The following MMP2 variants were observed in gnomAD, a reference collection of about 807,000 sequenced individuals.
MMP2 encodes 72 kDa type IV collagenase.
In MMP2, 39 loss-of-function variants were observed where a neutral mutation model predicts 74.8. The ratio of observed to expected loss-of-function variants is 0.52; its 90% CI spans 0.40 to 0.68. The LOEUF (loss-of-function observed/expected upper bound fraction) is 0.68, where lower values mean the gene tolerates loss of function less well. Ranked by LOEUF, MMP2 falls within the 30% of genes least tolerant of loss-of-function variation. The pLI is 0.00. For missense variants in MMP2, 803 were observed against 878.3 expected, an observed-to-expected ratio of 0.91 and a Z score of 1.08; for synonymous variants, 367 against 339.8, an observed-to-expected ratio of 1.08 and a Z score of -0.88.
intron 10 of MMP2, 112 bp from the exon 11 acceptor site, chr16:55,498,177 C>T: frequency 7.3e-7 from 1 of 1,376,710 alleles, no homozygotes; most frequent in Non-Finnish European, 1.0e-6. Flanking sequence ...CAGGAAGTTG[C>T]ACTCTGTTGG....
intron 9 of MMP2, among the ~76,000 whole-genome samples, chr16:55,495,339 C>A (rs1278408074): frequency 6.6e-6 from 1 of 152,186 alleles, no homozygotes; most frequent in Non-Finnish European, 1.5e-5. Flanking sequence ...CAGGCTGGAG[C>A]CATCCCTGGC....
chr16:55,485,546 T>C (rs554204407), intron 4 of MMP2, 58 bp from the exon 5 acceptor site: 3 of 1,611,940 alleles, frequency 1.9e-6, no homozygotes, highest in Non-Finnish European at 1.7e-6. Context: ...AGTCAGAATC[T>C]TGGTCTCCAA....
In MMP2 at chr16:55,488,666, C is replaced by G; in HGVS notation, c.956C>G (p.Thr319Ser). The change falls in exon 6 of 13, where the codon ACC becomes AGC. Residue 319 changes from threonine to serine, a missense_variant. By Grantham distance (58) the Thr-to-Ser change is moderately conservative (BLOSUM62 1). This residue lies in a region of MMP2 where 555 missense variants were observed against 592.0 expected (regional missense o/e 0.94). Coordinates refer to ENST00000219070, the MANE Select transcript of MMP2 (RefSeq NM_004530.6). ...ACGGATGGCTACCGCTGGTGCGGCA[C>G]CACTGAGGACTACGACCGCGACAAG... is the stretch of plus-strand genomic sequence containing the variant. ...GRTDGYRWCG[T>S]TEDYDRDKKY... The G allele has an allele frequency of 6.2e-7, 1 of 1,612,974 alleles. No homozygotes were observed. The highest frequency in any genetic ancestry group is 8.5e-7 in the Non-Finnish European group (1 of 1,179,560).
In MMP2 at chr16:55,502,725, G is replaced by C. The variant is rs17860002; in HGVS notation, c.1770-54G>C. 3.9e-3 allele frequency: 5,911 copies of C among 1,510,922 alleles called. 18 individuals are homozygous for C. The highest frequency in any genetic ancestry group is 5.1e-3 in the Non-Finnish European group (5,588 of 1,086,746). 93.6% of individuals were successfully genotyped at this position (1,510,922 alleles called of 1,614,324 possible). ...CTGGGTGCTCCCATCCAGGCCAGGGGGGAAGTGTCCTTTAGAGAGGCCCTG... is the reference window on the plus strand; with the variant it reads ...CTGGGTGCTCCCATCCAGGCCAGGGCGGAAGTGTCCTTTAGAGAGGCCCTG... On this transcript the variant is annotated intron_variant, in intron 11 of 12. Transcript: ENST00000219070.
At chr16:55,492,175 TC>T (rs1962426202) in intron 8 of MMP2, among the ~76,000 whole-genome samples, 1 of 152,282 alleles carries the variant, frequency 6.6e-6, no homozygotes, top group East Asian at 1.9e-4. Flanking sequence ...AATGCTAATA[TC>T]CATGTCACTC....
chr16:55,494,395 G>A (rs1487158501), intron 9 of MMP2, among the ~76,000 whole-genome samples: 1 of 152,226 alleles, frequency 6.6e-6, no homozygotes, highest in Non-Finnish European at 1.5e-5. Flanking sequence ...CTGACACAGA[G>A]TAAGTGTATT....
At chr16:55,485,477 T>C (rs370019560) in intron 4 of MMP2, 50 bp downstream of exon 4, 30 of 1,613,776 alleles carry the variant, frequency 1.9e-5, no homozygotes, top group Non-Finnish European at 2.5e-5. Context: ...CTGTCCTCTC[T>C]CCACTCCATT....
At chr16:55,493,486 T>C (rs1962464874) in intron 9 of MMP2, among the ~76,000 whole-genome samples, 193 bp downstream of exon 9, 1 of 152,210 alleles carries the variant, frequency 6.6e-6, no homozygotes, top group African/African-American at 2.4e-5. Context: ...TTGTTTGCTC[T>C]CTCATAGTCT....
At chr16:55,490,494 T>C (rs945505842) in intron 7 of MMP2, among the ~76,000 whole-genome samples, 1 of 152,078 alleles carries the variant, frequency 6.6e-6, no homozygotes, top group East Asian at 1.9e-4. Flanking sequence ...AGGAGACAGC[T>C]TGTGACCTTA....
chr16:55,493,367 A>C, intron 9 of MMP2, 74 bp downstream of exon 9: 1 of 1,596,124 alleles, frequency 6.3e-7, no homozygotes, highest in Non-Finnish European at 8.6e-7. Flanking sequence ...CTTTTCCCTC[A>C]CTCTTCGCTG....
At chr16:55,499,190 G>T (rs373938522) in intron 11 of MMP2, among the ~76,000 whole-genome samples, 1 of 145,754 alleles carries the variant, frequency 6.9e-6, no homozygotes, top group Non-Finnish European at 1.5e-5. Flanking sequence ...AAAGAAAAAA[G>T]AAAGGTTAAG....
chr16:55,479,547 T>G lies in MMP2; in HGVS notation c.68T>G (p.Leu23Arg). Residue 23 changes from leucine (L) to arginine (R), a missense_variant, in exon 1 of 13, where the codon CTG (leucine) becomes CGG (arginine). Physicochemically the swap from Leu to Arg is moderately radical, Grantham distance 102. Around this residue, in one of 3 missense-constraint regions of MMP2, gnomAD observed 223 missense variants for 232.8 expected, o/e 0.96. Coordinates refer to ENST00000219070, the MANE Select transcript of MMP2 (RefSeq NM_004530.6). ...PLRALCLLGC[L>R]LSHAAAAPSP... is the part of the protein sequence containing the mutation. Reference sequence around the variant, plus strand: ...AGGGCGCTCTGTCTCCTGGGCTGCCTGCTGAGCCACGCCGCCGCCGCGCCG... The same window carrying G: ...AGGGCGCTCTGTCTCCTGGGCTGCCGGCTGAGCCACGCCGCCGCCGCGCCG... The G allele has an allele frequency of 6.2e-7, 1 of 1,612,176 alleles. No homozygotes were observed.
intron 1 of MMP2, chr16:55,481,464 A>G (rs1295516674): frequency 5.6e-6 from 1 of 177,390 alleles, no homozygotes; most frequent in African/African-American, 2.4e-5. Context: ...CAGCTTCTTT[A>G]CTGCATCCTG....
rs17859878 is a variant in MMP2, at chr16:55,484,569, G to A, written c.529+405G>A. 5.1e-3 allele frequency among the ~76,000 whole-genome samples: 779 copies of A among 152,342 alleles called. 7 individuals are homozygous for A. The highest frequency in any genetic ancestry group is 0.018 in the African/African-American group (744 of 41,586). On this transcript the variant is annotated intron_variant, in intron 3 of 12. Coordinates refer to ENST00000219070, the MANE Select transcript of MMP2 (RefSeq NM_004530.6). The stretch of plus-strand genomic sequence containing the variant: ...GGCTAGTGACTATTGATTTTGGACA[G>A]CACAGACAAAGAATATTCCTCTTAA...
At chr16:55,504,331 C>A (rs1197950122) in intron 12 of MMP2, among the ~76,000 whole-genome samples, 2 of 152,126 alleles carry the variant, frequency 1.3e-5, no homozygotes, top group Non-Finnish European at 2.9e-5. Flanking sequence ...AAATAAAACC[C>A]ATCTGTGGGC....
At chr16:55,486,350 T>TGCGC (rs1428844034) in intron 5 of MMP2, among the ~76,000 whole-genome samples, 4 of 55,088 alleles carry the variant, frequency 7.3e-5, no homozygotes, top group African/African-American at 2.5e-4. Flanking sequence ...TGTGTGCCTG[T>TGCGC]GTGTGTGTGT....
intron 9 of MMP2, among the ~76,000 whole-genome samples, chr16:55,494,214 G>T (rs1175678344): frequency 6.6e-6 from 1 of 152,162 alleles, no homozygotes; most frequent in Non-Finnish European, 1.5e-5. Flanking sequence ...GATTCTCTGG[G>T]TTAGAATTCT....
chr16:55,505,568 C>G lies in MMP2; in HGVS notation c.*126C>G. 3 of 780,194 alleles carry G rather than the reference C, an allele frequency of 3.8e-6. No individual in the cohort carries two copies. Among genetic ancestry groups the G allele is most frequent in the East Asian group, 2.5e-5 (1 of 39,504 alleles). 48.3% of individuals were successfully genotyped at this position (780,194 alleles called of 1,614,324 possible). A position where few individuals can be genotyped will look rare whatever the true frequency, so the allele number is the denominator to read the frequency against. ...CAGCTCTACAGCTAATCAGCATTCT[C>G]ACTCCTACCTGGTAATTTAAGATTC... is the stretch of plus-strand genomic sequence containing the variant. On this transcript the variant is annotated 3_prime_UTR_variant, in exon 13 of 13. Transcript: ENST00000219070.
chr16:55,503,644 G>A (rs1296276010), intron 12 of MMP2, among the ~76,000 whole-genome samples: 1 of 152,132 alleles, frequency 6.6e-6, no homozygotes, highest in African/African-American at 2.4e-5. Flanking sequence ...CATCTATTGA[G>A]CACCTACTAC....
Sources: gnomAD v4.1 joint callset for allele counts (sites outside exome capture counted in the v4.1 genomes callset) on GRCh38, gnomAD v4.1.1 for gene constraint, gnomAD v4.1.1 regional missense constraint, MANE v1.5 for transcripts, NCBI Gene and HGNC (gene_info 2026-07-23, HGNC 2026-07-21) for gene names.